Variants in PROK2 observed in about 807,000 individuals in gnomAD.
PROK2 encodes the protein prokineticin-2.
A neutral mutation model predicts 14.2 loss-of-function variants in PROK2; 8 were observed. The ratio of observed to expected loss-of-function variants is 0.56; its 90% confidence interval spans 0.33 to 1.02. PROK2 has a LOEUF of 1.02. Among genes scored for constraint, PROK2 ranks in the 50% least tolerant of loss-of-function variants. The pLI, the probability that PROK2 is intolerant of heterozygous loss-of-function variation, is 0.03. For missense variants in PROK2, 154 were observed against 160.4 expected (o/e 0.96, Z 0.22); for synonymous variants, 59 against 60.7 (o/e 0.97, Z 0.13).
At chr3:71,777,410 A>AT (rs1313303825) in intron 2 of PROK2, among the ~76,000 whole-genome samples, 1 of 152,156 alleles carries the variant, frequency 6.6e-6, no homozygotes. Flanking sequence ...ATATGTAAAA[A>AT]TTTTAATGAC....
chr3:71,783,628 A>ATACT lies in PROK2; in HGVS notation c.96+1325_96+1328dup, dbSNP rs774487027. On this transcript the variant is annotated intron_variant, in intron 1 of 3. Transcript: ENST00000295619. ...GTTGTCCTGTGAATGGAACAAAAAG[A>ATACT]TACTTATATTGCAAAGGGATCTTGG... Among the ~76,000 whole-genome samples, 174 of 152,330 alleles carry ATACT rather than the reference A, an allele frequency of 1.1e-3. 2 individuals are homozygous for ATACT. The highest frequency in any genetic ancestry group is 2.2e-3 in the Admixed American group (33 of 15,304).
chr3:71,785,075 C>T lies in PROK2; in HGVS notation c.-23G>A. 1 of 1,227,030 alleles carries T rather than the reference C, an allele frequency of 8.1e-7. No homozygotes were observed. The highest frequency in any genetic ancestry group is 3.2e-5 in the East Asian group (1 of 31,394). The allele number at this position is 1,227,030 out of a possible 1,614,324, so 76.0% of individuals were successfully genotyped here. A position where few individuals can be genotyped will look rare whatever the true frequency, so the allele number is the denominator to read the frequency against. On this transcript the variant is annotated 5_prime_UTR_variant, in exon 1 of 4. Coordinates refer to ENST00000295619, the MANE Select transcript of PROK2 (RefSeq NM_001126128.2). ...CATGGCGCCCTCGGGACTGGGCGGC[C>T]GCCGGAGGCAGTTGGGGGCGCGGGG... is the stretch of plus-strand genomic sequence containing the variant.
intron 2 of PROK2, 55 bp from the exon 3 acceptor site, chr3:71,774,562 G>C: frequency 6.5e-7 from 1 of 1,538,698 alleles, no homozygotes; most frequent in East Asian, 2.5e-5. Flanking sequence ...AAGAAAAAGA[G>C]GCAATGGGAG....
At chr3:71,773,755 G>C (rs144324832) in intron 3 of PROK2, among the ~76,000 whole-genome samples, 1 of 152,250 alleles carries the variant, frequency 6.6e-6, no homozygotes, top group African/African-American at 2.4e-5. Flanking sequence ...TGAAAGGTCT[G>C]CTTCATTCGA....
At chr3:71,784,762 C>T (rs2050198164) in intron 1 of PROK2, among the ~76,000 whole-genome samples, 195 bp downstream of exon 1, 1 of 152,232 alleles carries the variant, frequency 6.6e-6, no homozygotes, top group African/African-American at 2.4e-5. Context: ...AGGACGCGCC[C>T]AGTGTCCCCA....
intron 2 of PROK2, 149 bp downstream of exon 2, chr3:71,781,318 G>C: frequency 2.2e-6 from 2 of 922,632 alleles, no homozygotes; most frequent in Non-Finnish European, 3.4e-6. Context: ...AAGGGGAGAG[G>C]AGAGGGGGTA....
intron 3 of PROK2, among the ~76,000 whole-genome samples, chr3:71,773,303 T>C (rs545932280): frequency 1.4e-4 from 21 of 152,342 alleles, no homozygotes; most frequent in African/African-American, 5.1e-4. Flanking sequence ...TTATATGTTA[T>C]CCTTTCCCAT....
At chr3:71,774,635 G>T in intron 2 of PROK2, 128 bp from the exon 3 acceptor site, 1 of 1,280,432 alleles carries the variant, frequency 7.8e-7, no homozygotes, top group East Asian at 2.6e-5. Flanking sequence ...CAGTTCCTCT[G>T]TCCTTTTGCT....
intron 1 of PROK2, among the ~76,000 whole-genome samples, chr3:71,784,069 G>A (rs1003934530): frequency 3.7e-4 from 56 of 152,192 alleles, no homozygotes; most frequent in African/African-American, 1.4e-3. Flanking sequence ...ATGAAGGTGT[G>A]AAATAATTCC....
chr3:71,779,399 C>T (rs1216849840), intron 2 of PROK2, among the ~76,000 whole-genome samples: 1 of 152,224 alleles, frequency 6.6e-6, no homozygotes, highest in Non-Finnish European at 1.5e-5. Context: ...TGTATACAGG[C>T]TTGCTGTATT....
chr3:71,774,874 T>G (rs2050106274), intron 2 of PROK2, among the ~76,000 whole-genome samples: 1 of 152,156 alleles, frequency 6.6e-6, no homozygotes, highest in Non-Finnish European at 1.5e-5. Flanking sequence ...ACGACCTTTA[T>G]AGCCCATTCT....
chr3:71,782,700 A>G (rs886421992), intron 1 of PROK2, among the ~76,000 whole-genome samples: 1 of 152,220 alleles, frequency 6.6e-6, no homozygotes, highest in African/African-American at 2.4e-5. Flanking sequence ...AACAACTAAA[A>G]CAGTCCTTCA....
chr3:71,776,195 G>C (rs942469394), intron 2 of PROK2, among the ~76,000 whole-genome samples: 44 of 152,100 alleles, frequency 2.9e-4, no homozygotes, highest in African/African-American at 1.0e-3. Context: ...GATCTGCCTT[G>C]ACTGACCCTA....
intron 1 of PROK2, among the ~76,000 whole-genome samples, chr3:71,783,249 T>C (rs1329473162): frequency 6.6e-6 from 1 of 152,206 alleles, no homozygotes. Flanking sequence ...TAACATGCTA[T>C]ACACAATGTA....
At chr3:71,775,514 C>T (rs11708084) in intron 2 of PROK2, among the ~76,000 whole-genome samples, 145,928 of 152,282 alleles carry the variant, frequency 0.96, 70,245 homozygotes, top group East Asian at 1. Flanking sequence ...TTGGGCCCAG[C>T]AGAAAAGAAA....
At chr3:71,781,617 A>G (rs1578412825) in intron 1 of PROK2, 25 bp from the exon 2 acceptor site, 1 of 1,602,996 alleles carries the variant, frequency 6.2e-7, no homozygotes, top group Non-Finnish European at 8.5e-7. Context: ...ACAAACAGAT[A>G]AATATAGATA....
chr3:71,776,846 C>A (rs1054461256), intron 2 of PROK2, among the ~76,000 whole-genome samples: 2 of 152,192 alleles, frequency 1.3e-5, no homozygotes, highest in African/African-American at 4.8e-5. Flanking sequence ...ACCACTTAGT[C>A]CAAACTTCAT....
rs757511658 is a variant in PROK2 at position 71,772,846 on chromosome 3, CG to C, written c.286-19del. The C allele has an allele frequency of 3.7e-6, 6 of 1,605,962 alleles. No individual in the cohort carries two copies. In the African/African-American group the frequency reaches 4.0e-5, roughly 11 times the overall value. ...AATGGAACCTAAATAAAAAAGAAAA[CG>C]GAGTCAGAGCTGGAAAGGTTTCAAA... is the stretch of plus-strand genomic sequence containing the variant. On this transcript the variant is annotated intron_variant, in intron 3 of 3. Transcript: ENST00000295619.
At chr3:71,777,332 C>T (rs1559625571) in intron 2 of PROK2, among the ~76,000 whole-genome samples, 1 of 152,100 alleles carries the variant, frequency 6.6e-6, no homozygotes, top group Admixed American at 6.5e-5. Context: ...CTTTCTTCCC[C>T]ATCTTTTGCT....
Sources: allele counts gnomAD v4.1 joint callset (sites outside exome capture counted in the v4.1 genomes callset), GRCh38; gene constraint gnomAD v4.1.1; transcripts MANE v1.5; gene names NCBI Gene and HGNC (gene_info 2026-07-23, HGNC 2026-07-21).